Variants in TFDP2 observed in about 807,000 individuals in gnomAD.
TFDP2 encodes transcription factor Dp-2, also known as transcription factor Dp-2 (E2F dimerization partner 2).
TFDP2 carries 17 observed loss-of-function variants against 59.3 expected under a neutral mutation model. The observed-to-expected ratio is 0.29, with a 90% CI of 0.20 to 0.43. TFDP2 has a LOEUF of 0.43. Among genes scored for constraint, TFDP2 ranks in the 20% least tolerant of loss-of-function variants. TFDP2 has a pLI of 1.00. For missense variants in TFDP2, 391 were observed against 528.8 expected, an observed-to-expected ratio of 0.74 and a Z score of 2.56; for synonymous variants, 180 against 194.7, an observed-to-expected ratio of 0.92 and a Z score of 0.63.
intron 7 of TFDP2, 28 bp from the exon 8 acceptor site, chr3:141,974,219 T>C (rs1940261554): frequency 1.3e-6 from 2 of 1,579,774 alleles, no homozygotes; most frequent in Non-Finnish European, 1.7e-6. Context: ...CACTGAGTGA[T>C]AAATCTTAAG....
At chr3:142,129,409 G>C in intron 1 of TFDP2, among the ~76,000 whole-genome samples, 1 of 151,826 alleles carries the variant, frequency 6.6e-6, no homozygotes. Flanking sequence ...TTAAAAAAAG[G>C]TGGAGAATGA....
At position 141,951,548 on chromosome 3, in the gene TFDP2, T is replaced by G. The variant is rs891877662; in HGVS notation, c.*965A>C. 6.6e-6 allele frequency: 1 copy of G among 152,664 alleles called. No homozygotes were observed. Among genetic ancestry groups the G allele is most frequent in the Non-Finnish European group, 1.5e-5 (1 of 68,038 alleles). The allele number at this position is 152,664 out of a possible 1,614,324, so 9.5% of individuals were successfully genotyped here. A position where few individuals can be genotyped will look rare whatever the true frequency, so the allele number is the denominator to read the frequency against. ...AATAGACTTTTCTTTAAGACAAAAG[T>G]AATGACATTTGGTTCATTTTCACAA... On this transcript the variant is annotated 3_prime_UTR_variant, in exon 13 of 13. Coordinates refer to ENST00000489671, the MANE Select transcript of TFDP2 (RefSeq NM_001178139.2).
At chr3:142,023,031 A>T (rs1945743671) in intron 3 of TFDP2, among the ~76,000 whole-genome samples, 1 of 149,008 alleles carries the variant, frequency 6.7e-6, no homozygotes, top group Admixed American at 6.7e-5. Flanking sequence ...GAGGCAGGAG[A>T]ATTGCTTGAA....
At chr3:142,005,257 T>G (rs1409214120) in intron 4 of TFDP2, among the ~76,000 whole-genome samples, 184 bp downstream of exon 4, 1 of 152,226 alleles carries the variant, frequency 6.6e-6, no homozygotes, top group Non-Finnish European at 1.5e-5. Flanking sequence ...CAGGCTGGTC[T>G]TGAACTCCTG....
At chr3:141,961,321 G>A (rs2107890082) in intron 10 of TFDP2, among the ~76,000 whole-genome samples, 1 of 138,948 alleles carries the variant, frequency 7.2e-6, no homozygotes, top group South Asian at 2.3e-4. Context: ...TCGGCTCAAT[G>A]CAAACTTCAC....
intron 4 of TFDP2, among the ~76,000 whole-genome samples, chr3:141,999,254 T>C (rs1023119068): frequency 4.6e-5 from 7 of 152,256 alleles, no homozygotes; most frequent in African/African-American, 1.7e-4. Context: ...AATGATTTTC[T>C]TTGTAATATT....
chr3:142,149,464 C>T lies in TFDP2; in HGVS notation c.-374G>A, dbSNP rs1577091721. 2 of 370,546 alleles carry T rather than the reference C, an allele frequency of 5.4e-6. No individual in the cohort carries two copies. The highest frequency in any genetic ancestry group is 3.9e-5 in the East Asian group (1 of 25,932). The allele number at this position is 370,546 out of a possible 1,614,324, so 23.0% of individuals were successfully genotyped here. On this transcript the variant is annotated 5_prime_UTR_variant, in exon 1 of 13. Transcript: ENST00000489671. Reference sequence around the variant, plus strand: ...GCAGCGCCGCAGCCGAGATCGCTACCGATTTCGTCCGCCCTCTCCCTGCCC... The same window carrying T: ...GCAGCGCCGCAGCCGAGATCGCTACTGATTTCGTCCGCCCTCTCCCTGCCC...
Position 142,143,600 on chromosome 3 carries a change from A to T in TFDP2, c.-93+5583T>A, listed in dbSNP as rs568684256. On this transcript the variant is annotated intron_variant, in intron 1 of 12. Transcript: ENST00000489671. ...TAAAAAATGAGCAAAAGATCTGAAT[A>T]GACATTTCTCAATAGAAGACATACA... is the stretch of plus-strand genomic sequence containing the variant. Among the ~76,000 whole-genome samples, 4 of 152,378 alleles carry T rather than the reference A, an allele frequency of 2.6e-5. No homozygotes were observed. In the South Asian group the frequency reaches 6.2e-4, roughly 24 times the overall value.
At chr3:142,080,139 T>C (rs1351890570) in intron 3 of TFDP2, among the ~76,000 whole-genome samples, 2 of 152,158 alleles carry the variant, frequency 1.3e-5, no homozygotes, top group South Asian at 2.1e-4. Flanking sequence ...AATTCTTGTA[T>C]TTTTAGTAGA....
chr3:142,073,472 C>CCCA (rs1553796689), intron 3 of TFDP2, among the ~76,000 whole-genome samples: 3 of 52,504 alleles, frequency 5.7e-5, no homozygotes, highest in African/African-American at 7.6e-5. Flanking sequence ...CCCCCCCCCG[C>CCCA]AAAAAAAAAA....
At chr3:142,135,917 C>T (rs1314141106) in intron 1 of TFDP2, among the ~76,000 whole-genome samples, 1 of 152,010 alleles carries the variant, frequency 6.6e-6, no homozygotes, top group Non-Finnish European at 1.5e-5. Flanking sequence ...TGAGTATATA[C>T]CCAGTGATGA....
intron 3 of TFDP2, among the ~76,000 whole-genome samples, chr3:142,020,295 G>A (rs1397901645): frequency 6.6e-6 from 1 of 152,146 alleles, no homozygotes; most frequent in Admixed American, 6.5e-5. Flanking sequence ...CAGCACTTTG[G>A]GAGGCCAAGG....
chr3:142,041,298 G>A (rs1319842997), intron 3 of TFDP2, among the ~76,000 whole-genome samples: 1 of 152,204 alleles, frequency 6.6e-6, no homozygotes, highest in Non-Finnish European at 1.5e-5. Flanking sequence ...CAGAGTAGAA[G>A]TGATATGGTT....
At chr3:141,986,086 C>T (rs894031406) in intron 6 of TFDP2, among the ~76,000 whole-genome samples, 3 of 152,306 alleles carry the variant, frequency 2.0e-5, no homozygotes, top group Middle Eastern at 3.4e-3. Flanking sequence ...TATGACCCAG[C>T]AATTCCACTC....
At chr3:141,959,965 AT>A in intron 10 of TFDP2, 125 bp from the exon 11 acceptor site, 1 of 850,606 alleles carries the variant, frequency 1.2e-6, no homozygotes, top group Non-Finnish European at 1.8e-6. Flanking sequence ...AATTGCTACC[AT>A]TTAGAGAGCC....
At chr3:142,094,997 C>CT (rs1201224499) in intron 2 of TFDP2, among the ~76,000 whole-genome samples, 6 of 144,956 alleles carry the variant, frequency 4.1e-5, no homozygotes, top group Non-Finnish European at 4.5e-5. Flanking sequence ...TTTTCTTCTT[C>CT]TTTTTTTTTT....
At chr3:142,006,939 G>T (rs1944268751) in intron 3 of TFDP2, among the ~76,000 whole-genome samples, 1 of 152,026 alleles carries the variant, frequency 6.6e-6, no homozygotes, top group African/African-American at 2.4e-5. Flanking sequence ...ATCATGCCTG[G>T]CTAATTTTTG....
intron 3 of TFDP2, 159 bp downstream of exon 3, chr3:142,092,902 G>A (rs1278230625): frequency 4.2e-6 from 2 of 480,748 alleles, no homozygotes; most frequent in Non-Finnish European, 7.1e-6. Flanking sequence ...GTCTGTCAGA[G>A]GTAAATGACT....
intron 6 of TFDP2, 21 bp from the exon 7 acceptor site, chr3:141,978,703 T>C (rs780520204): frequency 6.4e-7 from 1 of 1,568,732 alleles, no homozygotes; most frequent in South Asian, 1.2e-5. Context: ...AAAAAGTTTT[T>C]TTTACTCCAT....
Sources: allele counts gnomAD v4.1 joint callset (sites outside exome capture counted in the v4.1 genomes callset), GRCh38; gene constraint gnomAD v4.1.1; transcripts MANE v1.5; gene names NCBI Gene and HGNC (gene_info 2026-07-23, HGNC 2026-07-21).